Variants in PALLD observed in about 807,000 individuals in gnomAD.
The protein encoded by PALLD is palladin.
A neutral mutation model predicts 123.5 loss-of-function variants in PALLD; 61 were observed. The ratio of observed to expected loss-of-function variants is 0.49; its 90% CI spans 0.40 to 0.61. The LOEUF (loss-of-function observed/expected upper bound fraction) is 0.61, where lower values mean the gene tolerates loss of function less well. PALLD is among the 20% of genes least tolerant of loss of function. PALLD has a pLI of 0.00. For missense variants in PALLD, 1,273 were observed against 1,377.0 expected, an observed-to-expected ratio of 0.92 and a Z score of 1.20; for synonymous variants, 465 against 496.4, an observed-to-expected ratio of 0.94 and a Z score of 0.84.
chr4:168,652,658 A>C (rs1244978655), intron 2 of PALLD, among the ~76,000 whole-genome samples: 4 of 152,204 alleles, frequency 2.6e-5, no homozygotes, highest in African/African-American at 9.6e-5. Context: ...TAAGTTTAGA[A>C]AGCTTTCCTA....
intron 10 of PALLD, among the ~76,000 whole-genome samples, chr4:168,781,107 GCTTT>G (rs1318525881): frequency 6.6e-6 from 1 of 152,120 alleles, no homozygotes; most frequent in African/African-American, 2.4e-5. Context: ...ATACTTGTTG[GCTTT>G]CTTTCTTTCA....
chr4:168,743,300 G>A (rs953850229), intron 10 of PALLD, among the ~76,000 whole-genome samples: 1 of 151,990 alleles, frequency 6.6e-6, no homozygotes, highest in Non-Finnish European at 1.5e-5. Context: ...TACACCACGC[G>A]GCTATCATAT....
intron 10 of PALLD, among the ~76,000 whole-genome samples, chr4:168,747,901 C>T (rs1730532896): frequency 6.6e-6 from 1 of 152,094 alleles, no homozygotes; most frequent in Admixed American, 6.5e-5. Flanking sequence ...TGGTAGTATT[C>T]CAGGGTCTTT....
At chr4:168,529,247 G>A (rs184959256) in intron 2 of PALLD, among the ~76,000 whole-genome samples, 6 of 152,014 alleles carry the variant, frequency 3.9e-5, no homozygotes, top group African/African-American at 4.8e-5. Context: ...TAAGGCAAGA[G>A]AATTGCTTGA....
intron 10 of PALLD, chr4:168,864,687 G>A (rs540937018): frequency 1.3e-5 from 2 of 150,674 alleles, no homozygotes; most frequent in African/African-American, 4.8e-5. Context: ...TCCAGATGTG[G>A]TGTGCAACAA....
chr4:168,758,466 GGT>G (rs1450615204), intron 10 of PALLD, among the ~76,000 whole-genome samples: 1 of 152,134 alleles, frequency 6.6e-6, no homozygotes, highest in Non-Finnish European at 1.5e-5. Flanking sequence ...CCACTGCTTG[GGT>G]GTGTGTGTTC....
At chr4:168,786,751 C>T (rs1736817845) in intron 10 of PALLD, among the ~76,000 whole-genome samples, 1 of 152,064 alleles carries the variant, frequency 6.6e-6, no homozygotes, top group Non-Finnish European at 1.5e-5. Flanking sequence ...ATTTTAATTT[C>T]AGAATATTAT....
At chr4:168,740,474 A>C (rs1004034680) in intron 10 of PALLD, among the ~76,000 whole-genome samples, 1 of 152,240 alleles carries the variant, frequency 6.6e-6, no homozygotes, top group African/African-American at 2.4e-5. Context: ...TTCATCTCCC[A>C]AAATTTCCTC....
rs540578138 is a variant in PALLD at position 168,691,310 on chromosome 4, GTT to G, written c.1501+28_1501+29del. The G allele has an allele frequency of 8.3e-5, 108 of 1,297,186 alleles. No homozygotes were observed. Among genetic ancestry groups the G allele is most frequent in the South Asian group, 1.6e-4 (11 of 70,628 alleles). The allele number at this position is 1,297,186 out of a possible 1,614,324, so 80.4% of individuals were successfully genotyped here. ...TGAACCTGGTAAGAATATTTTTAGGGTTTTTTTTTTTGGTGGTGGGGGAGCAG... is the reference window on the plus strand; with the variant it reads ...TGAACCTGGTAAGAATATTTTTAGGGTTTTTTTTTGGTGGTGGGGGAGCAG... On this transcript the variant is annotated intron_variant, in intron 8 of 21. Transcript: ENST00000505667.
chr4:168,687,099 G>A (rs1485187936), intron 6 of PALLD, among the ~76,000 whole-genome samples: 1 of 152,170 alleles, frequency 6.6e-6, no homozygotes, highest in Non-Finnish European at 1.5e-5. Context: ...AAAGACAAAT[G>A]TGAAAGCAAA....
At chr4:168,925,515 C>T (rs1389108503) in intron 21 of PALLD, 4 of 511,386 alleles carry the variant, frequency 7.8e-6, no homozygotes, top group African/African-American at 3.9e-5. Context: ...TCCATTGATC[C>T]TGGAATGCGT....
intron 10 of PALLD, among the ~76,000 whole-genome samples, chr4:168,783,716 T>C (rs1736281540): frequency 2.6e-5 from 4 of 152,196 alleles, no homozygotes. Flanking sequence ...AATATATAAG[T>C]ATTTGTCAAA....
intron 10 of PALLD, among the ~76,000 whole-genome samples, chr4:168,714,310 C>T (rs1320169784): frequency 3.9e-5 from 6 of 152,112 alleles, no homozygotes; most frequent in Admixed American, 1.3e-4. Context: ...AGTTTTCTTT[C>T]AGTGTTTGTT....
At position 168,731,454 on chromosome 4, in the gene PALLD, GA is replaced by G. The variant is rs1341836792; in HGVS notation, c.1964+19532del. ...CCCATTTCAGTTCCCTCTTCATTAA[GA>G]GGGAATCGTGACAGTACCTACTTCA... On this transcript the variant is annotated intron_variant, in intron 10 of 21. Coordinates refer to ENST00000505667, the MANE Select transcript of PALLD (RefSeq NM_001166108.2). 9.2e-5 allele frequency among the ~76,000 whole-genome samples: 14 copies of G among 152,314 alleles called. No homozygotes were observed. In the East Asian group the frequency reaches 2.7e-3, roughly 29 times the overall value.
chr4:168,718,172 C>G (rs1395570891), intron 10 of PALLD, among the ~76,000 whole-genome samples: 3 of 152,190 alleles, frequency 2.0e-5, no homozygotes, highest in Admixed American at 6.5e-5. Flanking sequence ...TGAACATTAT[C>G]CCGTCCTTCA....
At chr4:168,554,705 C>A (rs1767093013) in intron 2 of PALLD, among the ~76,000 whole-genome samples, 1 of 152,054 alleles carries the variant, frequency 6.6e-6, no homozygotes, top group Admixed American at 6.6e-5. Context: ...TATAAAGAAA[C>A]CTTTTTATAT....
Position 168,915,900 on chromosome 4 carries a change from G to A in PALLD, c.2723G>A (p.Arg908His), listed in dbSNP as rs114171764. ...GTCATCTTTCTTGTTTCAAGGCCTC[G>A]TTCTAGATCAAGGGACAGTGGAGAC... ...PSGHPHVRRPRSRSRDSGDEN... is the reference protein window; with the variant it reads ...PSGHPHVRRPHSRSRDSGDEN... The change falls in exon 17 of 22, where the codon CGT becomes CAT. Residue 908 changes from arginine to histidine, a missense_variant. Coordinates refer to ENST00000505667, the MANE Select transcript of PALLD (RefSeq NM_001166108.2). 126 of 1,612,730 alleles carry A rather than the reference G, an allele frequency of 7.8e-5. No individual in the cohort carries two copies. The East Asian group carries it at 2.1e-3, about 26-fold the overall frequency.
intron 4 of PALLD, among the ~76,000 whole-genome samples, chr4:168,682,587 T>C (rs1263760974): frequency 6.6e-6 from 1 of 152,122 alleles, no homozygotes; most frequent in African/African-American, 2.4e-5. Context: ...CAACCAAAAC[T>C]TTGAGTTAAA....
At chr4:168,679,406 T>C (rs1313676939) in intron 3 of PALLD, among the ~76,000 whole-genome samples, 12 of 89,930 alleles carry the variant, frequency 1.3e-4, no homozygotes, top group African/African-American at 6.2e-4. Context: ...TGCTGTGGGG[T>C]GTGTGCGTGT....
Sources: gnomAD v4.1 joint callset for allele counts (sites outside exome capture counted in the v4.1 genomes callset) on GRCh38, gnomAD v4.1.1 for gene constraint, MANE v1.5 for transcripts, NCBI Gene and HGNC (gene_info 2026-07-23, HGNC 2026-07-21) for gene names.